Variants in ADGRV1 observed in about 807,000 individuals in gnomAD.
The protein encoded by ADGRV1 is G-protein coupled receptor 98.
A neutral mutation model predicts 596.2 loss-of-function variants in ADGRV1; 359 were observed. That is an observed-to-expected ratio of 0.60 (90% CI 0.55 to 0.66). ADGRV1 has a LOEUF of 0.66. Ranked by LOEUF, ADGRV1 falls within the 30% of genes least tolerant of loss-of-function variation. The pLI is 0.00. For missense variants in ADGRV1, 7,274 were observed against 7,575.6 expected (o/e 0.96, Z 1.48); for synonymous variants, 2,681 against 2,679.2 (o/e 1.00, Z -0.02).
chr5:90,672,512 T>C (rs765892239), intron 21 of ADGRV1, 34 bp from the exon 22 acceptor site: 2 of 1,552,350 alleles, frequency 1.3e-6, no homozygotes, highest in East Asian at 4.5e-5. Context: ...TTTGAATTGC[T>C]ATGCACCTAT....
intron 1 of ADGRV1, among the ~76,000 whole-genome samples, chr5:90,580,541 C>CATATGAAGCTT (rs1345395666): frequency 4.7e-5 from 6 of 128,502 alleles, no homozygotes; most frequent in African/African-American, 3.0e-4. Context: ...TTCTCCTTCA[C>CATATGAAGCTT]TTAGTTTGGC....
At chr5:90,944,391 C>T (rs1469864796) in intron 83 of ADGRV1, among the ~76,000 whole-genome samples, 1 of 151,944 alleles carries the variant, frequency 6.6e-6, no homozygotes, top group African/African-American at 2.4e-5. Context: ...CCCTTTAGGT[C>T]CTACTTGAAG....
chr5:91,141,966 A>G (rs1054071526), intron 87 of ADGRV1, among the ~76,000 whole-genome samples: 1 of 152,236 alleles, frequency 6.6e-6, no homozygotes, highest in African/African-American at 2.4e-5. Context: ...CCATACCGCC[A>G]GGAAGACACC....
At chr5:91,019,526 G>A (rs528674213) in intron 85 of ADGRV1, among the ~76,000 whole-genome samples, 52 of 152,088 alleles carry the variant, frequency 3.4e-4, no homozygotes, top group Non-Finnish European at 5.2e-4. Context: ...TTGGCTAACA[G>A]CAACAGATGT....
intron 83 of ADGRV1, among the ~76,000 whole-genome samples, chr5:90,941,049 A>C (rs1194500536): frequency 6.6e-6 from 1 of 152,118 alleles, no homozygotes; most frequent in East Asian, 1.9e-4. Context: ...GTAAAATAGC[A>C]TCCTTAGTTT....
intron 42 of ADGRV1, among the ~76,000 whole-genome samples, chr5:90,715,518 TG>T (rs1295124476): frequency 6.6e-6 from 1 of 152,048 alleles, no homozygotes. Context: ...GACTTTAGAG[TG>T]GGTGAAAGGG....
intron 65 of ADGRV1, 40 bp downstream of exon 65, chr5:90,781,618 A>G (rs1758862219): frequency 6.4e-7 from 1 of 1,560,028 alleles, no homozygotes; most frequent in Non-Finnish European, 8.7e-7. Context: ...GTTTACTACC[A>G]CTTTCCAAAT....
At chr5:90,979,116 AACAGGAAGTTCTC>A (rs769271387) in intron 84 of ADGRV1, among the ~76,000 whole-genome samples, 6 of 152,052 alleles carry the variant, frequency 3.9e-5, no homozygotes, top group Non-Finnish European at 8.8e-5. Context: ...AAAAAATGAG[AACAGGAAGTTCTC>A]ATGTAAATAA....
Position 90,694,502 on chromosome 5 carries a change from C to T in ADGRV1, c.7746C>T (p.Ile2582=). 1 of 1,613,930 alleles carries T rather than the reference C, an allele frequency of 6.2e-7. No individual in the cohort carries two copies. The highest frequency in any genetic ancestry group is 8.5e-7 in the Non-Finnish European group (1 of 1,179,850). Residue 2582 remains isoleucine, a synonymous_variant, in exon 33 of 90, where the codon ATC becomes ATT. Coordinates refer to ENST00000405460, the MANE Select transcript of ADGRV1 (RefSeq NM_032119.4). ...LNGDAFGVFV[I]YNISPNTSED... ...GTGATGCCTTTGGAGTGTTTGTGAT[C>T]TACAATATTAGTCCCAATACTTCCG...
At chr5:91,010,084 G>C (rs2151142846) in intron 85 of ADGRV1, among the ~76,000 whole-genome samples, 2 of 152,124 alleles carry the variant, frequency 1.3e-5, no homozygotes, top group South Asian at 4.1e-4. Flanking sequence ...GCCTATGGTA[G>C]ATTACAAACA....
chr5:90,714,229 A>AT (rs1198146961), intron 42 of ADGRV1, among the ~76,000 whole-genome samples: 4 of 147,550 alleles, frequency 2.7e-5, no homozygotes, highest in African/African-American at 9.9e-5. Flanking sequence ...ATTATTGTGC[A>AT]TTTTTTCTTT....
At chr5:90,614,039 C>T (rs148482676) in intron 1 of ADGRV1, among the ~76,000 whole-genome samples, 9 of 150,286 alleles carry the variant, frequency 6.0e-5, no homozygotes, top group African/African-American at 2.2e-4. Flanking sequence ...ATCTACATTA[C>T]AAAACAGCAG....
At chr5:90,625,049 G>T in intron 5 of ADGRV1, 81 bp from the exon 6 acceptor site, 2 of 783,454 alleles carry the variant, frequency 2.6e-6, no homozygotes, top group Non-Finnish European at 4.3e-6. Context: ...TCAGATTTTT[G>T]TCAGCTGACA....
intron 77 of ADGRV1, among the ~76,000 whole-genome samples, chr5:90,832,856 G>C (rs533282526): frequency 2.0e-5 from 3 of 152,252 alleles, no homozygotes; most frequent in Non-Finnish European, 4.4e-5. Flanking sequence ...TGAAGAGACT[G>C]CCCTTTTTCC....
At chr5:91,052,591 C>T (rs1194353456) in intron 85 of ADGRV1, among the ~76,000 whole-genome samples, 1 of 152,034 alleles carries the variant, frequency 6.6e-6, no homozygotes, top group Non-Finnish European at 1.5e-5. Flanking sequence ...CCCACCACCA[C>T]GCCTGGCTAA....
chr5:91,003,903 G>A (rs1211028693), intron 85 of ADGRV1, among the ~76,000 whole-genome samples: 1 of 152,020 alleles, frequency 6.6e-6, no homozygotes, highest in Non-Finnish European at 1.5e-5. Flanking sequence ...GAAAAGAATA[G>A]CCAATGTAAG....
chr5:90,945,981 C>CA (rs199826452), intron 83 of ADGRV1, among the ~76,000 whole-genome samples: 3 of 118,704 alleles, frequency 2.5e-5, no homozygotes, highest in Admixed American at 7.6e-5. Flanking sequence ...GACCCTTTCT[C>CA]AAAAAAAAGA....
intron 1 of ADGRV1, among the ~76,000 whole-genome samples, chr5:90,590,891 A>G (rs1225496842): frequency 6.6e-6 from 1 of 152,114 alleles, no homozygotes; most frequent in Non-Finnish European, 1.5e-5. Flanking sequence ...GTATTTTTGT[A>G]TTGTATTTAT....
intron 68 of ADGRV1, among the ~76,000 whole-genome samples, chr5:90,788,619 A>G (rs1045504754): frequency 1.3e-5 from 2 of 152,166 alleles, no homozygotes; most frequent in Non-Finnish European, 2.9e-5. Flanking sequence ...AGCATACCAA[A>G]CATTGGATAT....
Sources: allele counts gnomAD v4.1 joint callset (sites outside exome capture counted in the v4.1 genomes callset), GRCh38; gene constraint gnomAD v4.1.1; transcripts MANE v1.5; gene names NCBI Gene and HGNC (gene_info 2026-07-23, HGNC 2026-07-21).